RNF141: variants seen among roughly 807,000 people sequenced by gnomAD.
RNF141 encodes ring finger protein 141.
In RNF141, 18 loss-of-function variants were observed where a neutral mutation model predicts 27.4. The observed-to-expected ratio is 0.66, with a 90% CI of 0.45 to 0.97. The LOEUF is 0.97. RNF141 is among the 50% of genes least tolerant of loss of function. The pLI, the probability that RNF141 is intolerant of heterozygous loss-of-function variation, is 0.00. For missense variants in RNF141, 230 were observed against 279.4 expected (o/e 0.82, Z 1.26); for synonymous variants, 97 against 96.6 (o/e 1.00, Z -0.02).
rs1485613431 is a variant in RNF141, at chr11:10,541,148, G to A, written c.-74C>T. On this transcript the variant is annotated 5_prime_UTR_variant, in exon 1 of 6. Transcript: ENST00000265981. ...CCAGGTTCAAGGCATCGCGCACCCTGCGGCAGCGGCTGCGCTGCCTCAGCC... is the reference window on the plus strand; with the variant it reads ...CCAGGTTCAAGGCATCGCGCACCCTACGGCAGCGGCTGCGCTGCCTCAGCC... 6.6e-6 allele frequency: 1 copy of A among 152,380 alleles called. No individual in the cohort carries two copies. Among genetic ancestry groups the A allele is most frequent in the African/African-American group, 2.4e-5 (1 of 41,460 alleles). 9.4% of individuals were successfully genotyped at this position (152,380 alleles called of 1,614,324 possible). A position where few individuals can be genotyped will look rare whatever the true frequency, so the allele number is the denominator to read the frequency against.
intron 4 of RNF141, among the ~76,000 whole-genome samples, chr11:10,521,408 C>CT (rs1268755057): frequency 7.2e-5 from 11 of 152,092 alleles, no homozygotes; most frequent in Admixed American, 2.0e-4. Context: ...AACCTTTGTG[C>CT]TTTTTTGTAA....
intron 5 of RNF141, among the ~76,000 whole-genome samples, chr11:10,517,923 T>A (rs1211870682): frequency 6.6e-6 from 1 of 152,152 alleles, no homozygotes; most frequent in African/African-American, 2.4e-5. Flanking sequence ...TAAATTGAAA[T>A]TTTAAATACC....
intron 2 of RNF141, among the ~76,000 whole-genome samples, chr11:10,533,030 G>A (rs1200804413): frequency 6.6e-6 from 1 of 152,194 alleles, no homozygotes; most frequent in Non-Finnish European, 1.5e-5. Flanking sequence ...TGTTAGCTAA[G>A]TTGAAGAGAC....
At chr11:10,515,101 C>T (rs1849833350) in intron 5 of RNF141, 35 bp from the exon 6 acceptor site, 1 of 1,571,522 alleles carries the variant, frequency 6.4e-7, no homozygotes, top group South Asian at 1.2e-5. Flanking sequence ...AGTTTGCTTT[C>T]TTCTTTTTTA....
intron 4 of RNF141, among the ~76,000 whole-genome samples, chr11:10,524,371 C>T (rs902599694): frequency 7.2e-5 from 11 of 151,890 alleles, no homozygotes; most frequent in African/African-American, 1.2e-4. Flanking sequence ...GCCGAGATCG[C>T]GCCTGGGCGA....
chr11:10,536,626 T>G (rs1464970515), intron 1 of RNF141, among the ~76,000 whole-genome samples: 1 of 152,168 alleles, frequency 6.6e-6, no homozygotes, highest in Non-Finnish European at 1.5e-5. Context: ...TGTTTTTGTG[T>G]TTTTTAAAGA....
At chr11:10,515,836 T>C (rs1849838947) in intron 5 of RNF141, 1 of 152,200 alleles carries the variant, frequency 6.6e-6, no homozygotes, top group South Asian at 2.1e-4. Flanking sequence ...AAATGGAGCA[T>C]ACAAAGTTAA....
intron 4 of RNF141, among the ~76,000 whole-genome samples, chr11:10,520,272 C>T (rs1438500680): frequency 6.6e-6 from 1 of 152,126 alleles, no homozygotes; most frequent in Non-Finnish European, 1.5e-5. Context: ...TGTAACAACA[C>T]TTACCTTAAA....
intron 4 of RNF141, among the ~76,000 whole-genome samples, chr11:10,522,918 G>T (rs933397333): frequency 6.6e-6 from 1 of 152,218 alleles, no homozygotes; most frequent in Non-Finnish European, 1.5e-5. Context: ...TCACACAGGA[G>T]TGGAGCCAGG....
intron 1 of RNF141, chr11:10,540,718 C>T (rs1850091497): frequency 6.6e-6 from 1 of 152,266 alleles, no homozygotes; most frequent in Non-Finnish European, 1.5e-5. Flanking sequence ...AGCGCTCGCT[C>T]TGGCTACGCC....
intron 3 of RNF141, among the ~76,000 whole-genome samples, chr11:10,529,262 A>G (rs1849966045): frequency 6.6e-6 from 1 of 152,250 alleles, no homozygotes; most frequent in Admixed American, 6.5e-5. Flanking sequence ...GTGAGTTCAG[A>G]AGTGACATCT....
Position 10,514,716 on chromosome 11 carries a change from A to C in RNF141, c.*200T>G, listed in dbSNP as rs1849828999. 2.0e-6 allele frequency: 1 copy of C among 492,732 alleles called. No homozygotes were observed. Among genetic ancestry groups the C allele is most frequent in the Admixed American group, 4.0e-5 (1 of 24,846 alleles). The allele number at this position is 492,732 out of a possible 1,614,324, so 30.5% of individuals were successfully genotyped here. A position where few individuals can be genotyped will look rare whatever the true frequency, so the allele number is the denominator to read the frequency against. On this transcript the variant is annotated 3_prime_UTR_variant, in exon 6 of 6. Transcript: ENST00000265981. ...AAATAATAGGAAAATATGGTCTAAA[A>C]CAGTAGCAAATTTTAGTACCACAAA... is the stretch of plus-strand genomic sequence containing the variant.
chr11:10,524,640 T>C lies in RNF141; in HGVS notation c.434+552A>G, dbSNP rs561848983. 5.3e-5 allele frequency among the ~76,000 whole-genome samples: 8 copies of C among 152,238 alleles called. No individual in the cohort carries two copies. The South Asian group carries it at 1.7e-3, about 32-fold the overall frequency. On this transcript the variant is annotated intron_variant, in intron 4 of 5. Transcript: ENST00000265981. ...AGCATAACAGAGAAGGAAAAGAAAG[T>C]TTAGATAGAACAATAATGTATTAGG...
intron 4 of RNF141, among the ~76,000 whole-genome samples, chr11:10,519,968 C>G (rs1266236177): frequency 6.6e-6 from 1 of 152,116 alleles, no homozygotes; most frequent in East Asian, 1.9e-4. Context: ...CTAACAATAT[C>G]TGATGAGCTA....
chr11:10,527,518 T>C lies in RNF141; in HGVS notation c.253-2145A>G, dbSNP rs765986063. ...GAGTCTCACAAGAAGCCCAGAGTGT[T>C]TGGAACAGAGTGACAGACGGACAGA... On this transcript the variant is annotated intron_variant, in intron 3 of 5. Coordinates refer to ENST00000265981, the MANE Select transcript of RNF141 (RefSeq NM_016422.4). Among the ~76,000 whole-genome samples the C allele has an allele frequency of 1.1e-3, 173 of 152,024 alleles. 1 individual carries two copies. Among genetic ancestry groups the C allele is most frequent in the Non-Finnish European group, 9.0e-4 (61 of 67,990 alleles).
chr11:10,531,374 C>CAA (rs10664382), intron 2 of RNF141, among the ~76,000 whole-genome samples: 39,872 of 133,946 alleles, frequency 0.3, 6,362 homozygotes, highest in Middle Eastern at 0.37. Flanking sequence ...GACTCAGTCT[C>CAA]AAAAAAAAAA....
intron 3 of RNF141, among the ~76,000 whole-genome samples, chr11:10,528,887 CT>C (rs1564867984): frequency 6.6e-6 from 1 of 152,098 alleles, no homozygotes; most frequent in African/African-American, 2.4e-5. Flanking sequence ...AGCTAAGAAC[CT>C]AAACAACTTT....
chr11:10,530,812 G>T, intron 2 of RNF141, 61 bp from the exon 3 acceptor site: 1 of 921,196 alleles, frequency 1.1e-6, no homozygotes, highest in Non-Finnish European at 1.6e-6. Flanking sequence ...AAATAATACA[G>T]CCATGAAACT....
chr11:10,535,550 T>C (rs191493370), intron 1 of RNF141, among the ~76,000 whole-genome samples: 2 of 151,124 alleles, frequency 1.3e-5, no homozygotes, highest in African/African-American at 4.8e-5. Context: ...GAAGAAACAA[T>C]TAAAGATCTT....
Sources: gnomAD v4.1 joint callset for allele counts (sites outside exome capture counted in the v4.1 genomes callset) on GRCh38, gnomAD v4.1.1 for gene constraint, MANE v1.5 for transcripts, NCBI Gene and HGNC (gene_info 2026-07-23, HGNC 2026-07-21) for gene names.